Variants in ARHGEF18 observed in about 807,000 individuals in gnomAD.
ARHGEF18 encodes the protein rho guanine nucleotide exchange factor 18.
A neutral mutation model predicts 155.7 loss-of-function variants in ARHGEF18; 93 were observed. That is an observed-to-expected ratio of 0.60 (90% CI 0.50 to 0.71). ARHGEF18 has a LOEUF of 0.71. Among genes scored for constraint, ARHGEF18 ranks in the 30% least tolerant of loss-of-function variants. ARHGEF18 has a pLI of 0.00. For synonymous variants in ARHGEF18, 742 were observed against 753.1 expected (o/e 0.99, Z 0.24); for missense variants, 1,593 against 1,816.1 (o/e 0.88, Z 2.23).
Position 7,384,027 on chromosome 19 carries a change from G to T in ARHGEF18, c.967+824G>T, listed in dbSNP as rs560584963. ...TTGTCTTTTTGCAAATAAGCTCCAC[G>T]TTGGAGGGAATGAAGAGGAGGAGGT... On this transcript the variant is annotated intron_variant, in intron 10 of 28. Coordinates refer to ENST00000668164, the MANE Select transcript of ARHGEF18 (RefSeq NM_001367823.1). 2.6e-4 allele frequency among the ~76,000 whole-genome samples: 40 copies of T among 152,266 alleles called. No homozygotes were observed. The East Asian group carries it at 7.7e-3, about 29-fold the overall frequency.
chr19:7,367,483 A>T (rs1352098970), intron 2 of ARHGEF18, among the ~76,000 whole-genome samples: 1 of 151,952 alleles, frequency 6.6e-6, no homozygotes, highest in Non-Finnish European at 1.5e-5. Flanking sequence ...GTGGTGACTC[A>T]CGCCTGTAAT....
intron 3 of ARHGEF18, among the ~76,000 whole-genome samples, chr19:7,374,495 T>C (rs1386952228): frequency 2.6e-5 from 4 of 151,698 alleles, no homozygotes; most frequent in African/African-American, 7.3e-5. Flanking sequence ...ATGGTCAACA[T>C]GGCAAAACCC....
intron 16 of ARHGEF18, 148 bp downstream of exon 16, chr19:7,451,414 T>G: frequency 1.5e-6 from 1 of 652,418 alleles, no homozygotes; most frequent in Non-Finnish European, 2.5e-6. Context: ...CTTTTTTTTT[T>G]TTTTTTTTTT....
chr19:7,350,808 G>C (rs1969139670), intron 1 of ARHGEF18, among the ~76,000 whole-genome samples: 2 of 143,150 alleles, frequency 1.4e-5, no homozygotes, highest in South Asian at 4.5e-4. Context: ...GTGTGTGTGT[G>C]TGTGTGTGTG....
At position 7,444,362 on chromosome 19, in the gene ARHGEF18, G is replaced by A. The variant is rs150061737; in HGVS notation, c.1519G>A (p.Ala507Thr). Reference sequence around the variant, plus strand: ...GCTGGAGACGCACAGCCACTTCCTCGCTCGGCTCAAGGAGCGCCGCCAGGA... The same window carrying A: ...GCTGGAGACGCACAGCCACTTCCTCACTCGGCTCAAGGAGCGCCGCCAGGA... ...DLLETHSHFL[A>T]RLKERRQESL... Residue 507 changes from alanine to threonine, a missense_variant, in exon 14 of 29, where the codon GCT (alanine) becomes ACT (threonine). Physicochemically the swap from Ala to Thr is moderately conservative, Grantham distance 58 (BLOSUM62 0). Transcript: ENST00000668164. This position sits in a 1 kb window ranked among gnomAD's most constrained non-coding sequence, Gnocchi z 4.7. 57 of 1,613,438 alleles carry A rather than the reference G, an allele frequency of 3.5e-5. No homozygotes were observed. Among genetic ancestry groups the A allele is most frequent in the Non-Finnish European group, 4.5e-5 (53 of 1,180,024 alleles).
At position 7,442,029 on chromosome 19, in the gene ARHGEF18, T is replaced by G; in HGVS notation, c.1337T>G (p.Val446Gly). 6.2e-7 allele frequency: 1 copy of G among 1,614,090 alleles called. No homozygotes were observed. The highest frequency in any genetic ancestry group is 8.5e-7 in the Non-Finnish European group (1 of 1,180,014). The stretch of plus-strand genomic sequence containing the variant: ...GCCAAGAAGCAAAAGAGGGAGGTGG[T>G]GAAAAGACAAGATGTCCTTTATGGT... The part of the protein sequence containing the change: ...AYAKKQKREV[V>G]KRQDVLYELM... The change falls in exon 13 of 29, where the codon GTG becomes GGG. Residue 446 changes from valine to glycine, a missense_variant. Val to Gly is a moderately radical substitution (Grantham distance 109). Transcript: ENST00000668164.
At chr19:7,383,403 T>C in intron 10 of ARHGEF18, 200 bp downstream of exon 10, 1 of 450,978 alleles carries the variant, frequency 2.2e-6, no homozygotes, top group Non-Finnish European at 3.6e-6. Flanking sequence ...CTGGCAACAG[T>C]CCCTTTAAGT....
chr19:7,441,689 G>A lies in ARHGEF18; in HGVS notation c.1143G>A (p.Ala381=), dbSNP rs781223428. The change falls in exon 12 of 29, where the codon GCG becomes GCA. Residue 381 remains alanine (A), a synonymous_variant. Coordinates refer to ENST00000668164, the MANE Select transcript of ARHGEF18 (RefSeq NM_001367823.1). The part of the protein sequence containing the change: ...ITGEMDEADS[A]FLKFKQTADD... ...GAGAGATGGATGAAGCCGATTCTGC[G>A]TTTTTAAAATTTAAGCAGACAGCTG... The A allele has an allele frequency of 2.4e-5, 39 of 1,614,078 alleles. No homozygotes were observed. The highest frequency in any genetic ancestry group is 1.6e-4 in the Middle Eastern group (1 of 6,084).
chr19:7,393,294 G>A (rs1365361529), intron 10 of ARHGEF18, among the ~76,000 whole-genome samples: 1 of 152,116 alleles, frequency 6.6e-6, no homozygotes, highest in Non-Finnish European at 1.5e-5. Flanking sequence ...AGTCCACCTG[G>A]GGACGCAACC....
chr19:7,383,356 A>G (rs6603127), intron 10 of ARHGEF18, 153 bp downstream of exon 10: 273,323 of 807,612 alleles, frequency 0.34, 51,528 homozygotes, highest in African/African-American at 0.72. Flanking sequence ...ACCAGGGATC[A>G]GTCCCTGGGC....
intron 10 of ARHGEF18, among the ~76,000 whole-genome samples, chr19:7,430,184 A>C (rs1973876197): frequency 6.6e-6 from 1 of 151,920 alleles, no homozygotes; most frequent in African/African-American, 2.4e-5. Context: ...TTAACTTTTG[A>C]GATACTTCCC....
intron 10 of ARHGEF18, among the ~76,000 whole-genome samples, chr19:7,438,336 A>G (rs1767667207): frequency 6.6e-6 from 1 of 151,114 alleles, no homozygotes; most frequent in Admixed American, 6.6e-5. Context: ...CCTGGCCTCA[A>G]GCGATCCTTC....
At chr19:7,407,960 T>C (rs1220935884) in intron 10 of ARHGEF18, among the ~76,000 whole-genome samples, 1 of 36,988 alleles carries the variant, frequency 2.7e-5, no homozygotes, top group East Asian at 8.8e-4. Flanking sequence ...AGACTCCGTC[T>C]CAAAAAAAAA....
At chr19:7,363,142 G>A (rs1423431820) in intron 2 of ARHGEF18, among the ~76,000 whole-genome samples, 1 of 152,060 alleles carries the variant, frequency 6.6e-6, no homozygotes, top group Non-Finnish European at 1.5e-5. Context: ...ATGGATAGAT[G>A]GATGGGTGGG....
At chr19:7,410,185 G>T (rs1972592023) in intron 10 of ARHGEF18, among the ~76,000 whole-genome samples, 1 of 152,006 alleles carries the variant, frequency 6.6e-6, no homozygotes, top group Non-Finnish European at 1.5e-5. Context: ...GCCCATTGAA[G>T]GCAAACAGGG....
At chr19:7,426,511 G>A (rs1470371300) in intron 10 of ARHGEF18, among the ~76,000 whole-genome samples, 3 of 144,570 alleles carry the variant, frequency 2.1e-5, no homozygotes, top group Non-Finnish European at 4.6e-5. Flanking sequence ...AAGAAAAAAA[G>A]CACCAAAGAA....
chr19:7,478,371 AG>A, the ARHGEF18 span: 7 of 1,609,832 alleles, frequency 4.3e-6, no homozygotes, highest in Non-Finnish European at 5.9e-6. Context: ...CAGCATCCAC[AG>A]GGACCTGCAG....
At chr19:7,428,363 A>G (rs927984292) in intron 10 of ARHGEF18, among the ~76,000 whole-genome samples, 1 of 152,004 alleles carries the variant, frequency 6.6e-6, no homozygotes, top group African/African-American at 2.4e-5. Flanking sequence ...TTCACCTTCC[A>G]GCAGAACCTG....
At chr19:7,349,506 GGT>G (rs1568255777) in intron 1 of ARHGEF18, among the ~76,000 whole-genome samples, 1 of 151,998 alleles carries the variant, frequency 6.6e-6, no homozygotes, top group Non-Finnish European at 1.5e-5. Context: ...GGCCGGGCGC[GGT>G]GGCTCACACC....
Sources: allele counts gnomAD v4.1 joint callset (sites outside exome capture counted in the v4.1 genomes callset), GRCh38; gene constraint gnomAD v4.1.1; non-coding constraint Gnocchi (gnomAD v3.1); transcripts MANE v1.5; gene names NCBI Gene and HGNC (gene_info 2026-07-23, HGNC 2026-07-21).